PTPRT: variants seen among roughly 807,000 people sequenced by gnomAD.
The protein encoded by PTPRT is protein tyrosine phosphatase receptor type T.
A neutral mutation model predicts 176.8 loss-of-function variants in PTPRT; 56 were observed. That is an observed-to-expected ratio of 0.32 (90% CI 0.26 to 0.40). The LOEUF is 0.40. Ranked by LOEUF, PTPRT falls within the 10% of genes least tolerant of loss-of-function variation. The probability of loss-of-function intolerance (pLI) is 1.00; values close to 1 mark genes in which losing one functional copy is unlikely to be tolerated. For missense variants in PTPRT, 1,540 were observed against 1,908.2 expected (o/e 0.81, Z 3.60); for synonymous variants, 783 against 739.0 (o/e 1.06, Z -0.96).
intron 5 of PTPRT, among the ~76,000 whole-genome samples, chr20:42,760,407 T>C (rs919774098): frequency 1.1e-4 from 15 of 134,152 alleles, no homozygotes; most frequent in Middle Eastern, 4.0e-3. Context: ...TTTTTTTTTT[T>C]ACACATGGGG....
At chr20:42,164,757 G>T (rs976894635) in intron 16 of PTPRT, among the ~76,000 whole-genome samples, 4 of 152,158 alleles carry the variant, frequency 2.6e-5, no homozygotes, top group Non-Finnish European at 4.4e-5. Flanking sequence ...CTGTTCAAGA[G>T]GGAGCCTTAA....
At chr20:42,382,585 T>G (rs538680712) in intron 9 of PTPRT, among the ~76,000 whole-genome samples, 2 of 152,014 alleles carry the variant, frequency 1.3e-5, no homozygotes, top group East Asian at 3.9e-4. Flanking sequence ...TGGAGATGGG[T>G]GCTAGGTCCG....
At chr20:42,117,157 G>A (rs6130039) in intron 21 of PTPRT, among the ~76,000 whole-genome samples, 19,445 of 152,074 alleles carry the variant, frequency 0.13, 1,956 homozygotes, top group African/African-American at 0.27. Flanking sequence ...GGACTCATGG[G>A]TAAAGTCTCA....
intron 9 of PTPRT, among the ~76,000 whole-genome samples, chr20:42,375,433 G>A (rs372327193): frequency 5.3e-5 from 8 of 152,268 alleles, no homozygotes; most frequent in African/African-American, 9.6e-5. Context: ...TTTTGCCATC[G>A]TAAAAGGCTA....
intron 1 of PTPRT, among the ~76,000 whole-genome samples, chr20:42,979,013 C>T (rs1000700048): frequency 2.0e-5 from 3 of 152,174 alleles, no homozygotes; most frequent in Non-Finnish European, 4.4e-5. Flanking sequence ...CTTTCTTGCA[C>T]GAGATCAAAG....
intron 11 of PTPRT, among the ~76,000 whole-genome samples, chr20:42,336,448 G>A (rs969471452): frequency 1.3e-5 from 2 of 152,122 alleles, no homozygotes; most frequent in African/African-American, 4.8e-5. Flanking sequence ...GGTTGTAAAT[G>A]GTGGTGTTGG....
intron 2 of PTPRT, among the ~76,000 whole-genome samples, chr20:42,863,254 T>A (rs2078692098): frequency 6.6e-6 from 1 of 152,170 alleles, no homozygotes; most frequent in South Asian, 2.1e-4. Context: ...TCTTAAAATT[T>A]TGTAAATGTG....
At chr20:42,121,219 G>C (rs1987572266) in intron 19 of PTPRT, among the ~76,000 whole-genome samples, 2 of 152,138 alleles carry the variant, frequency 1.3e-5, no homozygotes, top group Non-Finnish European at 2.9e-5. Flanking sequence ...GATTTTGCAG[G>C]CACCTTCCAA....
At chr20:42,433,631 C>T (rs1427478549) in intron 9 of PTPRT, among the ~76,000 whole-genome samples, 4 of 152,200 alleles carry the variant, frequency 2.6e-5, no homozygotes, top group African/African-American at 7.2e-5. Flanking sequence ...AATAAGCAAA[C>T]TGAAATTCAA....
intron 7 of PTPRT, among the ~76,000 whole-genome samples, chr20:42,550,338 G>A (rs1375620679): frequency 6.6e-6 from 1 of 152,154 alleles, no homozygotes; most frequent in African/African-American, 2.4e-5. Flanking sequence ...TGATGTGAGT[G>A]GGAAGGGAAA....
chr20:42,055,409 T>G, the PTPRT span, among the ~76,000 whole-genome samples: 2 of 152,204 alleles, frequency 1.3e-5, no homozygotes, highest in Non-Finnish European at 2.9e-5. Context: ...AATTCGGGTC[T>G]AGGTTTCAAG....
rs151305727 is a variant in PTPRT, at chr20:42,729,816, CCTCTT to C, written c.859+26641_859+26645del. Reference sequence around the variant, plus strand: ...AGATAACCTGATTTCCCCATGGCTACCTCTTCTCTTCTCAAGATTTTGTGCTACAC... The same window carrying C: ...AGATAACCTGATTTCCCCATGGCTACCTCTTCTCAAGATTTTGTGCTACAC... On this transcript the variant is annotated intron_variant, in intron 6 of 30. Transcript: ENST00000373187. Among the ~76,000 whole-genome samples, 806 of 152,224 alleles carry C rather than the reference CCTCTT, an allele frequency of 5.3e-3. 15 individuals carry two copies. The highest frequency in any genetic ancestry group is 0.034 in the Admixed American group (526 of 15,286).
chr20:43,168,120 T>C (rs972356783), intron 1 of PTPRT, among the ~76,000 whole-genome samples: 5 of 152,194 alleles, frequency 3.3e-5, no homozygotes, highest in Admixed American at 6.5e-5. Context: ...TGTTGTCAAG[T>C]CTCTGCACAC....
chr20:42,537,291 C>A (rs6072778), intron 7 of PTPRT, among the ~76,000 whole-genome samples: 1 of 152,034 alleles, frequency 6.6e-6, no homozygotes, highest in Non-Finnish European at 1.5e-5. Flanking sequence ...ATAGTATTAC[C>A]TGATGTTATA....
chr20:43,008,423 CA>C (rs1330883389), intron 1 of PTPRT, among the ~76,000 whole-genome samples: 6 of 152,176 alleles, frequency 3.9e-5, no homozygotes, highest in Non-Finnish European at 8.8e-5. Context: ...CAAGATGGCT[CA>C]CAACTGTAAT....
At chr20:42,791,657 T>C (rs1569159581) in intron 2 of PTPRT, among the ~76,000 whole-genome samples, 191 bp from the exon 3 acceptor site, 1 of 152,210 alleles carries the variant, frequency 6.6e-6, no homozygotes, top group African/African-American at 2.4e-5. Flanking sequence ...TAATTGGGTA[T>C]AAAAAATCTA....
In PTPRT at chr20:43,102,284, TCACACACACA is replaced by T. The variant is rs57029983; in HGVS notation, c.88+87352_88+87361del. On this transcript the variant is annotated intron_variant, in intron 1 of 30. Coordinates refer to ENST00000373187, the MANE Select transcript of PTPRT (RefSeq NM_007050.6). ...TCTCTCTGTCTCTTTCACTCACACA[TCACACACACA>T]CACACACACACACACACACACACAC... is the stretch of plus-strand genomic sequence containing the variant. 1.0e-4 allele frequency among the ~76,000 whole-genome samples: 14 copies of T among 140,550 alleles called. No homozygotes were observed. In the East Asian group the frequency reaches 1.5e-3, roughly 15 times the overall value. 92.2% of individuals were successfully genotyped at this position (140,550 alleles called of 152,430 possible).
At chr20:42,197,376 C>CAAAAAAA (rs3086756) in intron 16 of PTPRT, among the ~76,000 whole-genome samples, 73 of 33,278 alleles carry the variant, frequency 2.2e-3, no homozygotes, top group South Asian at 3.6e-3. Context: ...GAGACTCCAT[C>CAAAAAAA]AAAAAAAAAA....
intron 1 of PTPRT, among the ~76,000 whole-genome samples, chr20:43,096,945 G>A (rs73103981): frequency 6.6e-6 from 1 of 152,328 alleles, no homozygotes; most frequent in Non-Finnish European, 1.5e-5. Context: ...AAGGATGAAG[G>A]CCCGAGGTAA....
Sources: gnomAD v4.1 joint callset for allele counts (sites outside exome capture counted in the v4.1 genomes callset) on GRCh38, gnomAD v4.1.1 for gene constraint, MANE v1.5 for transcripts, NCBI Gene and HGNC (gene_info 2026-07-23, HGNC 2026-07-21) for gene names.